TGM6: variants seen among roughly 807,000 people sequenced by gnomAD.
TGM6 encodes the protein protein-glutamine gamma-glutamyltransferase 6.
In TGM6, 74 loss-of-function variants were observed where a neutral mutation model predicts 77.5. The ratio of observed to expected loss-of-function variants is 0.96; its 90% CI spans 0.79 to 1.16. The LOEUF (loss-of-function observed/expected upper bound fraction) is 1.16, where lower values mean the gene tolerates loss of function less well. Ranked by LOEUF, TGM6 falls within the 50% of genes most tolerant of loss-of-function variation. The probability of loss-of-function intolerance (pLI) is 0.00; values close to 1 mark genes in which losing one functional copy is unlikely to be tolerated. For missense variants in TGM6, 968 were observed against 940.2 expected (o/e 1.03, Z -0.39); for synonymous variants, 383 against 378.9 (o/e 1.01, Z -0.12).
In TGM6 at chr20:2,417,542, A is replaced by C; in HGVS notation, c.1647A>C (p.Glu549Asp). The C allele has an allele frequency of 6.2e-7, 1 of 1,604,752 alleles. No homozygotes were observed. The highest frequency in any genetic ancestry group is 2.2e-5 in the East Asian group (1 of 44,854). ...TRKPVAEILH[E>D]SHAVRLGPQE... ...AGCCAGTGGCAGAGATCCTGCATGA[A>C]TCCCACGCCGTGAGGCTGGGGCCGC... Residue 549 changes from glutamate to aspartate, a missense_variant, in exon 10 of 13, where the codon GAA (glutamate) becomes GAC (aspartate). Glu to Asp is a conservative substitution (Grantham distance 45, BLOSUM62 2). Transcript: ENST00000202625.
chr20:2,431,235 C>T (rs1270265961), intron 12 of TGM6, among the ~76,000 whole-genome samples: 2 of 95,858 alleles, frequency 2.1e-5, no homozygotes, highest in African/African-American at 1.0e-4. Context: ...CTCATTCACT[C>T]AGTCATTCAC....
chr20:2,406,350 A>G (rs1202491117), intron 9 of TGM6, among the ~76,000 whole-genome samples: 1 of 152,086 alleles, frequency 6.6e-6, no homozygotes, highest in African/African-American at 2.4e-5. Flanking sequence ...AGAATTAGCC[A>G]GGCATGGTGG....
chr20:2,398,107 G>A, intron 5 of TGM6, 61 bp downstream of exon 5: 3 of 1,613,416 alleles, frequency 1.9e-6, no homozygotes, highest in Non-Finnish European at 2.5e-6. Context: ...CCAACCCCGG[G>A]GCCACAACCT....
chr20:2,400,267 GC>G, intron 6 of TGM6, 38 bp from the exon 7 acceptor site: 1 of 1,613,116 alleles, frequency 6.2e-7, no homozygotes, highest in Non-Finnish European at 8.5e-7. Flanking sequence ...TCTCTCAGGG[GC>G]CAGGGTCCCG....
rs187699549 is a variant in TGM6 at position 2,417,266 on chromosome 20, G to A, written c.1371G>A (p.Ala457=). The A allele has an allele frequency of 1.1e-5, 18 of 1,608,544 alleles. No homozygotes were observed. The highest frequency in any genetic ancestry group is 3.4e-5 in the Admixed American group (2 of 59,280). ...AAGAGAGGCAGGTGTACAGCAAGGCGGTGAACAGGCTGTTCGGCGTGGAAG... is the reference window on the plus strand; with the variant it reads ...AAGAGAGGCAGGTGTACAGCAAGGCAGTGAACAGGCTGTTCGGCGTGGAAG... ...SRKERQVYSK[A]VNRLFGVEAS... The change falls in exon 10 of 13, where the codon GCG becomes GCA. Residue 457 remains alanine (A), a synonymous_variant. Transcript: ENST00000202625.
chr20:2,421,951 G>T (rs1374263764), intron 10 of TGM6, among the ~76,000 whole-genome samples: 1 of 152,136 alleles, frequency 6.6e-6, no homozygotes, highest in African/African-American at 2.4e-5. Context: ...GGTCAACATG[G>T]TGAAACCTCA....
chr20:2,428,910 G>A (rs958835341), intron 10 of TGM6, among the ~76,000 whole-genome samples: 7 of 152,032 alleles, frequency 4.6e-5, no homozygotes, highest in Admixed American at 2.0e-4. Context: ...TGCAACCTCC[G>A]CCTGCTAGGT....
intron 10 of TGM6, among the ~76,000 whole-genome samples, chr20:2,421,981 A>T (rs944626332): frequency 7.2e-5 from 11 of 152,154 alleles, no homozygotes; most frequent in African/African-American, 2.2e-4. Flanking sequence ...AAAACACAAA[A>T]AGTAGCTGGG....
Position 2,432,727 on chromosome 20 carries a change from A to C in TGM6, c.*84A>C. On this transcript the variant is annotated 3_prime_UTR_variant, in exon 13 of 13. Coordinates refer to ENST00000202625, the MANE Select transcript of TGM6 (RefSeq NM_198994.3). ...TTGTCTCTTCCACATGGGAGCCAGG[A>C]GGCCTCAGTTAATCCTGCCTCAACC... is the stretch of plus-strand genomic sequence containing the variant. The C allele has an allele frequency of 6.3e-7, 1 of 1,596,088 alleles. No homozygotes were observed.
At chr20:2,402,056 G>A (rs1051966494) in intron 7 of TGM6, among the ~76,000 whole-genome samples, 4 of 151,718 alleles carry the variant, frequency 2.6e-5, no homozygotes, top group Non-Finnish European at 4.4e-5. Flanking sequence ...TGGCCAACAC[G>A]GTGAAACCCC....
intron 10 of TGM6, among the ~76,000 whole-genome samples, chr20:2,421,079 C>T (rs1050929618): frequency 3.3e-5 from 5 of 152,050 alleles, no homozygotes; most frequent in Non-Finnish European, 7.4e-5. Flanking sequence ...CTCCGCCTCC[C>T]GGGTTCAAGT....
intron 5 of TGM6, among the ~76,000 whole-genome samples, chr20:2,398,337 T>C (rs1407901318): frequency 6.6e-6 from 1 of 152,170 alleles, no homozygotes; most frequent in African/African-American, 2.4e-5. Context: ...AGGACCTCTG[T>C]CTGGGGCTTT....
chr20:2,424,529 T>A (rs1568670586), intron 10 of TGM6, among the ~76,000 whole-genome samples: 2 of 152,242 alleles, frequency 1.3e-5, no homozygotes, highest in African/African-American at 2.4e-5. Flanking sequence ...TGGATTAGGC[T>A]TTGGCTTAAT....
intron 1 of TGM6, among the ~76,000 whole-genome samples, chr20:2,390,586 CA>C (rs2084623518): frequency 6.6e-6 from 1 of 152,140 alleles, no homozygotes; most frequent in South Asian, 2.1e-4. Context: ...CACTAATGAA[CA>C]AAACAGACAC....
intron 10 of TGM6, among the ~76,000 whole-genome samples, chr20:2,424,659 C>T (rs2084876516): frequency 6.6e-6 from 1 of 152,144 alleles, no homozygotes; most frequent in African/African-American, 2.4e-5. Context: ...TCAAGAGTAG[C>T]ACTTTTAATT....
At chr20:2,397,879 C>T in intron 4 of TGM6, 39 bp from the exon 5 acceptor site, 1 of 1,614,026 alleles carries the variant, frequency 6.2e-7, no homozygotes. Flanking sequence ...ATATGGGTGA[C>T]TGAACGCAGC....
intron 1 of TGM6, among the ~76,000 whole-genome samples, chr20:2,393,794 T>C (rs1380139329): frequency 6.6e-6 from 1 of 152,168 alleles, no homozygotes; most frequent in East Asian, 1.9e-4. Flanking sequence ...CCCAAAGTGC[T>C]AGGATTCCAG....
intron 9 of TGM6, among the ~76,000 whole-genome samples, chr20:2,406,384 T>C (rs56024545): frequency 0.096 from 14,598 of 151,310 alleles, 926 homozygotes; most frequent in East Asian, 0.23. Flanking sequence ...TCCCAGCTAC[T>C]CAGGAGGCTC....
chr20:2,385,319 G>A (rs2084586822), intron 1 of TGM6, among the ~76,000 whole-genome samples: 1 of 152,086 alleles, frequency 6.6e-6, no homozygotes, highest in Non-Finnish European at 1.5e-5. Context: ...ATGTCCTAGA[G>A]GCTATGTGAC....
Sources: allele counts gnomAD v4.1 joint callset (sites outside exome capture counted in the v4.1 genomes callset), GRCh38; gene constraint gnomAD v4.1.1; transcripts MANE v1.5; gene names NCBI Gene and HGNC (gene_info 2026-07-23, HGNC 2026-07-21).